Variants in NCOA6 observed in about 807,000 individuals in gnomAD.
The protein encoded by NCOA6 is NRC RAP250.
NCOA6 carries 49 observed loss-of-function variants against 171.4 expected under a neutral mutation model. The ratio of observed to expected loss-of-function variants is 0.29; its 90% CI spans 0.23 to 0.36. The LOEUF (loss-of-function observed/expected upper bound fraction) is 0.36. Ranked by LOEUF, NCOA6 falls within the 10% of genes least tolerant of loss-of-function variation. The pLI is 1.00. For missense variants in NCOA6, 2,248 were observed against 2,554.5 expected, an observed-to-expected ratio of 0.88 and a Z score of 2.59; for synonymous variants, 910 against 927.5, an observed-to-expected ratio of 0.98 and a Z score of 0.34.
chr20:34,740,841 G>T lies in NCOA6; in HGVS notation c.5415C>A (p.Gly1805=). The change falls in exon 11 of 15, where the codon GGC becomes GGA. Residue 1805 remains glycine (G), a synonymous_variant. Transcript: ENST00000359003. ...TAGACGAGACTGGGCTTCGCCGGTT[G>T]CCAGAGGACCCTGGACTATTGGTCA... is the stretch of plus-strand genomic sequence containing the variant. ...PLLTNSPGSS[G]NRRSPVSSSK... The T allele has an allele frequency of 6.2e-7, 1 of 1,614,230 alleles. No homozygotes were observed. Among genetic ancestry groups the T allele is most frequent in the Non-Finnish European group, 8.5e-7 (1 of 1,180,042 alleles).
chr20:34,752,198 A>T (rs1384932339), intron 8 of NCOA6, among the ~76,000 whole-genome samples: 7 of 152,132 alleles, frequency 4.6e-5, no homozygotes, highest in Non-Finnish European at 4.4e-5. Flanking sequence ...ATCCCCTACA[A>T]TGAAGTTATG....
At chr20:34,814,669 G>A (rs999900683) in intron 1 of NCOA6, among the ~76,000 whole-genome samples, 12 of 151,978 alleles carry the variant, frequency 7.9e-5, no homozygotes, top group Non-Finnish European at 8.8e-5. Context: ...TTGGCTCACC[G>A]CAACCTCTGC....
At chr20:34,791,827 A>T (rs1176157321) in intron 2 of NCOA6, among the ~76,000 whole-genome samples, 1 of 152,158 alleles carries the variant, frequency 6.6e-6, no homozygotes, top group Non-Finnish European at 1.5e-5. Context: ...GAAGAAGGAG[A>T]GAGGGCAGGG....
chr20:34,825,016 C>A (rs1032196870), intron 1 of NCOA6, among the ~76,000 whole-genome samples: 6 of 152,142 alleles, frequency 3.9e-5, no homozygotes, highest in African/African-American at 1.4e-4. Flanking sequence ...TAACCCAGTT[C>A]CACGTCCTGC....
In NCOA6 at chr20:34,741,777, T is replaced by G. The variant is rs374248302; in HGVS notation, c.4479A>C (p.Gln1493His). 1 of 1,614,192 alleles carries G rather than the reference T, an allele frequency of 6.2e-7. No individual in the cohort carries two copies. Among genetic ancestry groups the G allele is most frequent in the Non-Finnish European group, 8.5e-7 (1 of 1,180,038 alleles). ...TGGGAGCTCCAGAGTTGTCAAGAAG[T>G]TGACTTAACGATGTTGGTGCTTCCC... ...AMREAPTSLS[Q>H]LLDNSGAPNV... is the part of the protein sequence containing the mutation. The change falls in exon 11 of 15, where the codon CAA becomes CAC. Residue 1493 changes from glutamine (Q) to histidine (H), a missense_variant. Coordinates refer to ENST00000359003, the MANE Select transcript of NCOA6 (RefSeq NM_014071.5).
At chr20:34,720,825 G>A (rs907055303) in intron 14 of NCOA6, among the ~76,000 whole-genome samples, 3 of 152,034 alleles carry the variant, frequency 2.0e-5, no homozygotes, top group Admixed American at 2.0e-4. Flanking sequence ...TCTGGGTATG[G>A]GTTTAAATAC....
chr20:34,716,295 C>T (rs989104436), intron 14 of NCOA6, among the ~76,000 whole-genome samples: 7 of 151,486 alleles, frequency 4.6e-5, no homozygotes, highest in South Asian at 2.1e-4. Context: ...CTGCTCTGAG[C>T]CCAAGTGAGC....
At chr20:34,821,516 AACTCTATT>A (rs1174090754) in intron 1 of NCOA6, 1 of 152,052 alleles carries the variant, frequency 6.6e-6, no homozygotes. Context: ...TGGTTTCCAA[AACTCTATT>A]ACTCTGCCAA....
At chr20:34,736,665 G>A (rs776027512) in intron 12 of NCOA6, 25 bp downstream of exon 12, 1 of 1,587,920 alleles carries the variant, frequency 6.3e-7, no homozygotes, top group East Asian at 2.3e-5. Flanking sequence ...CCCACTCCAA[G>A]AAGTTTTTCC....
chr20:34,782,823 T>G (rs1001891178), intron 2 of NCOA6, among the ~76,000 whole-genome samples: 7 of 152,198 alleles, frequency 4.6e-5, no homozygotes, highest in African/African-American at 1.4e-4. Flanking sequence ...TTCTAAAGCC[T>G]TCTTCTTTCT....
intron 14 of NCOA6, among the ~76,000 whole-genome samples, chr20:34,725,596 T>C (rs867089836): frequency 6.6e-6 from 1 of 152,196 alleles, no homozygotes; most frequent in Non-Finnish European, 1.5e-5. Flanking sequence ...TAATCCTAAT[T>C]ACAATGGTAA....
chr20:34,729,233 G>T (rs907116997), intron 13 of NCOA6, among the ~76,000 whole-genome samples: 2 of 152,208 alleles, frequency 1.3e-5, no homozygotes, highest in Non-Finnish European at 2.9e-5. Context: ...TTACAGGTGT[G>T]AGCCACAACG....
Position 34,741,776 on chromosome 20 carries a change from G to A in NCOA6, c.4480C>T (p.Leu1494Phe). The A allele has an allele frequency of 1.2e-6, 2 of 1,614,196 alleles. No homozygotes were observed. Among genetic ancestry groups the A allele is most frequent in the Non-Finnish European group, 1.7e-6 (2 of 1,180,040 alleles). ...TTGGGAGCTCCAGAGTTGTCAAGAA[G>A]TTGACTTAACGATGTTGGTGCTTCC... Reference protein sequence around the residue: ...MREAPTSLSQLLDNSGAPNVT... With the variant: ...MREAPTSLSQFLDNSGAPNVT... Residue 1494 changes from leucine (L) to phenylalanine (F), a missense_variant, in exon 11 of 15, where the codon CTT becomes TTT. Physicochemically the swap from Leu to Phe is conservative, Grantham distance 22. This residue lies in a region of NCOA6 where 884 missense variants were observed against 941.9 expected (regional missense o/e 0.94). Transcript: ENST00000359003.
intron 14 of NCOA6, among the ~76,000 whole-genome samples, chr20:34,720,309 A>T (rs1423983282): frequency 6.6e-6 from 1 of 152,230 alleles, no homozygotes; most frequent in African/African-American, 2.4e-5. Context: ...AATTTTAAAA[A>T]GTGATTTGTG....
chr20:34,758,091 T>A lies in NCOA6; in HGVS notation c.657A>T (p.Pro219=). 1 of 1,609,250 alleles carries A rather than the reference T, an allele frequency of 6.2e-7. No homozygotes were observed. Among genetic ancestry groups the A allele is most frequent in the Admixed American group, 1.7e-5 (1 of 59,806 alleles). ...RPASQSDAMD[P]LLSGLHIQQQ... is the part of the protein sequence containing the mutation. The stretch of plus-strand genomic sequence containing the variant: ...GCTGTATATGGAGCCCAGAGAGGAG[T>A]GGATCCATTGCATCTGTTTAAAGAT... Residue 219 remains proline (P), a synonymous_variant, in exon 7 of 15, where the codon CCA becomes CCT. Transcript: ENST00000359003.
chr20:34,726,458 T>A (rs1989965051), intron 14 of NCOA6, among the ~76,000 whole-genome samples: 1 of 152,112 alleles, frequency 6.6e-6, no homozygotes, highest in Non-Finnish European at 1.5e-5. Flanking sequence ...CTGGGCCATA[T>A]TCAGGACCTA....
intron 11 of NCOA6, among the ~76,000 whole-genome samples, chr20:34,737,854 A>G (rs1171985273): frequency 1.3e-5 from 2 of 152,224 alleles, no homozygotes; most frequent in Non-Finnish European, 2.9e-5. Flanking sequence ...GCTTAAAACT[A>G]TATCTTAACT....
rs142541963 is a variant in NCOA6 at position 34,742,407 on chromosome 20, G to A, written c.3849C>T (p.Ile1283=). ...QGLNPTTLKA[I]GQAPSNLTMN... ...TGGTAAGATTTGAAGGTGCTTGCCC[G>A]ATGGCCTTCAAAGTTGTTGGATTTA... Residue 1283 remains isoleucine (I), a synonymous_variant, in exon 11 of 15, where the codon ATC becomes ATT. Coordinates refer to ENST00000359003, the MANE Select transcript of NCOA6 (RefSeq NM_014071.5). 275 of 1,614,236 alleles carry A rather than the reference G, an allele frequency of 1.7e-4. 2 individuals carry two copies. The East Asian group carries it at 3.6e-3, about 21-fold the overall frequency.
chr20:34,751,302 G>A (rs895208892), intron 8 of NCOA6, among the ~76,000 whole-genome samples: 6 of 142,608 alleles, frequency 4.2e-5, no homozygotes, highest in Middle Eastern at 3.6e-3. Context: ...CCCGGGAAGC[G>A]GAGCTTGCAG....
Sources: allele counts gnomAD v4.1 joint callset (sites outside exome capture counted in the v4.1 genomes callset), GRCh38; gene constraint gnomAD v4.1.1; regional missense constraint gnomAD v4.1.1; transcripts MANE v1.5; gene names NCBI Gene and HGNC (gene_info 2026-07-23, HGNC 2026-07-21).